The following TRIP6 variants were observed in gnomAD, a reference collection of about 807,000 sequenced individuals.
TRIP6 encodes the protein thyroid receptor-interacting protein 6.
In TRIP6, 33 loss-of-function variants were observed where a neutral mutation model predicts 51.9. The observed-to-expected ratio is 0.64, with a 90% confidence interval of 0.48 to 0.85. The LOEUF (loss-of-function observed/expected upper bound fraction) is 0.85. Among genes scored for constraint, TRIP6 ranks in the 40% least tolerant of loss-of-function variants. The pLI, the probability that TRIP6 is intolerant of heterozygous loss-of-function variation, is 0.00. For missense variants in TRIP6, 661 were observed against 652.1 expected (o/e 1.01, Z -0.15); for synonymous variants, 255 against 275.8 (o/e 0.92, Z 0.75).
intron 3 of TRIP6, 84 bp downstream of exon 3, chr7:100,868,317 A>G: frequency 6.4e-7 from 1 of 1,570,942 alleles, no homozygotes; most frequent in Non-Finnish European, 8.6e-7. Flanking sequence ...CCATGTGTGT[A>G]ATGTGCACCC....
rs202066796 is a variant in TRIP6, at chr7:100,872,763, G to A, written c.1299+19G>A. 5.6e-6 allele frequency: 9 copies of A among 1,613,338 alleles called. No homozygotes were observed. The highest frequency in any genetic ancestry group is 3.3e-4 in the Middle Eastern group (2 of 6,082). ...GTGCGAGGTCAGGGGCCCCCAGCAC[G>A]TGCAAGGGGCTGGCAGTGTCTAGGG... On this transcript the variant is annotated intron_variant, in intron 8 of 8. Transcript: ENST00000200457.
intron 2 of TRIP6, 25 bp downstream of exon 2, chr7:100,868,013 G>A: frequency 2.0e-6 from 3 of 1,519,440 alleles, no homozygotes. Flanking sequence ...CGTGGGGTGG[G>A]ACATGTGGGA....
Position 100,867,435 on chromosome 7 carries a change from AG to A in TRIP6, c.-58del. ...TCCCAAACGAGGTGCGGGACGGAAGAGGGGGTGAAGGCCAGAGGCTCGGGGC... is the reference window on the plus strand; with the variant it reads ...TCCCAAACGAGGTGCGGGACGGAAGAGGGGTGAAGGCCAGAGGCTCGGGGC... On this transcript the variant is annotated 5_prime_UTR_variant, in exon 1 of 9. Transcript: ENST00000200457. This position sits in a 1 kb window ranked among gnomAD's most constrained non-coding sequence, Gnocchi z 5.4. 3.3e-6 allele frequency: 4 copies of A among 1,205,078 alleles called. No individual in the cohort carries two copies. The highest frequency in any genetic ancestry group is 4.4e-6 in the Non-Finnish European group (4 of 899,824). 74.6% of individuals were successfully genotyped at this position (1,205,078 alleles called of 1,614,324 possible).
At chr7:100,871,300 G>A in intron 6 of TRIP6, 3 of 577,326 alleles carry the variant, frequency 5.2e-6, no homozygotes, top group South Asian at 4.0e-5. Flanking sequence ...CTCCCAAAGT[G>A]CTGGCATTAC....
At chr7:100,873,082 C>T in intron 8 of TRIP6, 90 bp from the exon 9 acceptor site, 1 of 1,525,328 alleles carries the variant, frequency 6.6e-7, no homozygotes, top group Non-Finnish European at 8.8e-7. Context: ...AACTCCTGAC[C>T]TTGTGATCCT....
In TRIP6 at chr7:100,871,670, C is replaced by T. The variant is rs1307402898; in HGVS notation, c.1127C>T (p.Pro376Leu). 6.2e-7 allele frequency: 1 copy of T among 1,613,984 alleles called. No individual in the cohort carries two copies. The highest frequency in any genetic ancestry group is 1.3e-5 in the African/African-American group (1 of 74,938). The part of the protein sequence containing the change: ...VVCHRGLDGI[P>L]FTVDATSQIH... ...TGTCACCGCGGCCTCGACGGCATCC[C>T]CTTCACAGTGGATGCTACGAGCCAG... Residue 376 changes from proline to leucine, a missense_variant, in exon 7 of 9, where the codon CCC becomes CTC. Coordinates refer to ENST00000200457, the MANE Select transcript of TRIP6 (RefSeq NM_003302.3).
In TRIP6 at chr7:100,868,194, T is replaced by C; in HGVS notation, c.324T>C (p.Asn108=). The change falls in exon 3 of 9, where the codon AAT becomes AAC. Residue 108 remains asparagine (N), a synonymous_variant. Coordinates refer to ENST00000200457, the MANE Select transcript of TRIP6 (RefSeq NM_003302.3). ...TGAGCAGCACGCTGGCCGAGCTGAATGGGGGTCGGGGTCATGCGTCACGGC... is the reference window on the plus strand; with the variant it reads ...TGAGCAGCACGCTGGCCGAGCTGAACGGGGGTCGGGGTCATGCGTCACGGC... The part of the protein sequence containing the change: ...DLLSSTLAEL[N]GGRGHASRRP... 6.2e-7 allele frequency: 1 copy of C among 1,610,018 alleles called. No homozygotes were observed. Among genetic ancestry groups the C allele is most frequent in the Non-Finnish European group, 8.5e-7 (1 of 1,178,144 alleles).
intron 3 of TRIP6, 130 bp from the exon 4 acceptor site, chr7:100,868,365 C>T: frequency 1.9e-6 from 3 of 1,572,078 alleles, no homozygotes; most frequent in Admixed American, 1.8e-5. Flanking sequence ...ACCAACATGT[C>T]AGCCACTTGA....
Position 100,867,831 on chromosome 7 carries a change from C to G in TRIP6, c.110-30C>G. On this transcript the variant is annotated intron_variant, in intron 1 of 8. Transcript: ENST00000200457. The surrounding 1 kb of genome is among the most constrained non-coding windows in gnomAD (Gnocchi z 5.4). The stretch of plus-strand genomic sequence containing the variant: ...TACACCCCTCCTGTCCTCCGCCACC[C>G]CACCTTTGATTTCTCTTCCCTCAAC... 1 of 1,534,322 alleles carries G rather than the reference C, an allele frequency of 6.5e-7. No homozygotes were observed. The highest frequency in any genetic ancestry group is 8.7e-7 in the Non-Finnish European group (1 of 1,149,414).
intron 8 of TRIP6, 95 bp downstream of exon 8, chr7:100,872,839 C>G: frequency 6.7e-7 from 1 of 1,498,880 alleles, no homozygotes; most frequent in South Asian, 1.3e-5. Context: ...TGATGGAAAC[C>G]TGTTGCTTCT....
At chr7:100,869,425 G>T (rs900217178) in intron 4 of TRIP6, among the ~76,000 whole-genome samples, 1 of 150,052 alleles carries the variant, frequency 6.7e-6, no homozygotes, top group African/African-American at 2.4e-5. Context: ...CTGAGGTCAC[G>T]AGTTCGAGAC....
At position 100,867,633 on chromosome 7, in the gene TRIP6, A is replaced by T; in HGVS notation, c.109+27A>T. On this transcript the variant is annotated intron_variant, in intron 1 of 8. Transcript: ENST00000200457. The surrounding 1 kb of genome is among the most constrained non-coding windows in gnomAD (Gnocchi z 5.4). ...TAAGGCAGCCCTTGTGAGACAGAAG[A>T]GCCACCCAGCTGTGGCGCTCACCTC... 1 of 1,548,098 alleles carries T rather than the reference A, an allele frequency of 6.5e-7. No individual in the cohort carries two copies. The highest frequency in any genetic ancestry group is 8.7e-7 in the Non-Finnish European group (1 of 1,150,336).
chr7:100,868,907 TG>T (rs763592970), intron 4 of TRIP6, 41 bp downstream of exon 4: 3 of 1,461,590 alleles, frequency 2.1e-6, no homozygotes, highest in Non-Finnish European at 2.7e-6. Flanking sequence ...CTACAGACAA[TG>T]GGACACCGAC....
chr7:100,873,417 C>A lies in TRIP6; in HGVS notation c.*114C>A. 2 of 1,428,136 alleles carry A rather than the reference C, an allele frequency of 1.4e-6. No individual in the cohort carries two copies. The highest frequency in any genetic ancestry group is 1.9e-6 in the Non-Finnish European group (2 of 1,075,582). 88.5% of individuals were successfully genotyped at this position (1,428,136 alleles called of 1,614,324 possible). A position where few individuals can be genotyped will look rare whatever the true frequency, so the allele number is the denominator to read the frequency against. The stretch of plus-strand genomic sequence containing the variant: ...TCACCAAATGCTGTCTTCTCTTTCT[C>A]CAATCAAGAAATAATAATCCCTCGA... On this transcript the variant is annotated 3_prime_UTR_variant, in exon 9 of 9. Coordinates refer to ENST00000200457, the MANE Select transcript of TRIP6 (RefSeq NM_003302.3).
At chr7:100,869,331 AGGATAGAACTGCCCATTGGGGC>A (rs1815219484) in intron 4 of TRIP6, among the ~76,000 whole-genome samples, 3 of 150,872 alleles carry the variant, frequency 2.0e-5, no homozygotes, top group Non-Finnish European at 4.4e-5. Flanking sequence ...GCGGGGGAGC[AGGATAGAACTGCCCATTGGGGC>A]TGAGCGCGGT....
At chr7:100,871,274 G>A (rs1050534710) in intron 6 of TRIP6, 20 of 546,956 alleles carry the variant, frequency 3.7e-5, no homozygotes, top group Non-Finnish European at 5.6e-5. Context: ...GCCTCAAGCA[G>A]TCCGCCCACT....
Position 100,873,305 on chromosome 7 carries a change from T to A in TRIP6, c.*2T>A. 1 of 1,603,808 alleles carries A rather than the reference T, an allele frequency of 6.2e-7. No individual in the cohort carries two copies. The highest frequency in any genetic ancestry group is 8.5e-7 in the Non-Finnish European group (1 of 1,172,224). On this transcript the variant is annotated 3_prime_UTR_variant, in exon 9 of 9. Coordinates refer to ENST00000200457, the MANE Select transcript of TRIP6 (RefSeq NM_003302.3). ...GCCACCGTCACCACTGACTGCTGAG[T>A]CTTCCTAGAAGTACCTGCTGGGTTC...
chr7:100,872,931 A>G, intron 8 of TRIP6, 187 bp downstream of exon 8: 1 of 1,114,586 alleles, frequency 9.0e-7, no homozygotes, highest in Non-Finnish European at 1.2e-6. Flanking sequence ...GCTCACTGCA[A>G]CCTCCACCTC....
At chr7:100,871,506 G>T (rs1191736704) in intron 6 of TRIP6, 37 bp from the exon 7 acceptor site, 16 of 1,603,096 alleles carry the variant, frequency 1.0e-5, no homozygotes, top group Non-Finnish European at 1.4e-5. Flanking sequence ...CATGGCTCCC[G>T]CCCGCTCCCA....
Sources: gnomAD v4.1 joint callset for allele counts (sites outside exome capture counted in the v4.1 genomes callset) on GRCh38, gnomAD v4.1.1 for gene constraint, Gnocchi (gnomAD v3.1) non-coding constraint, MANE v1.5 for transcripts, NCBI Gene and HGNC (gene_info 2026-07-23, HGNC 2026-07-21) for gene names.